The following NAA15 variants were observed in gnomAD, a reference collection of about 807,000 sequenced individuals.
NAA15 encodes the protein N-alpha-acetyltransferase 15, NatA auxiliary subunit.
In NAA15, 34 loss-of-function variants were observed where a neutral mutation model predicts 114.0. The ratio of observed to expected loss-of-function variants is 0.30; its 90% CI spans 0.23 to 0.40. NAA15 has a LOEUF of 0.40. NAA15 is among the 10% of genes least tolerant of loss of function. The pLI is 1.00. For missense variants in NAA15, 658 were observed against 1,004.5 expected (o/e 0.66, Z 4.66); for synonymous variants, 340 against 338.0 (o/e 1.01, Z -0.06).
Position 139,357,371 on chromosome 4 carries a change from C to T in NAA15, c.1088-15C>T, listed in dbSNP as rs1331824270. 6.2e-7 allele frequency: 1 copy of T among 1,612,868 alleles called. No individual in the cohort carries two copies. The highest frequency in any genetic ancestry group is 8.5e-7 in the Non-Finnish European group (1 of 1,179,408). Reference sequence around the variant, plus strand: ...GTAATGCCTCATCTTGGTTTCTTCTCCCTCTTCTCCTAAGATGATGGAAAG... The same window carrying T: ...GTAATGCCTCATCTTGGTTTCTTCTTCCTCTTCTCCTAAGATGATGGAAAG... On this transcript the variant is annotated splice_polypyrimidine_tract_variant and intron_variant, in intron 10 of 19. Transcript: ENST00000296543.
rs1306999222 is a variant in NAA15, at chr4:139,344,201, G to A, written c.553G>A (p.Val185Met). Reference protein sequence around the residue: ...RKTQQTSPDKVDYEYSELLLY... With the variant: ...RKTQQTSPDKMDYEYSELLLY... ...CCATATACAGACATCCCCTGACAAG[G>A]TGGATTATGAATATAGTGAACTACT... The change falls in exon 6 of 20, where the codon GTG becomes ATG. Residue 185 changes from valine to methionine, a missense_variant. Val to Met is a conservative substitution (Grantham distance 21). Transcript: ENST00000296543. 6.2e-7 allele frequency: 1 copy of A among 1,609,426 alleles called. No homozygotes were observed. Among genetic ancestry groups the A allele is most frequent in the Admixed American group, 1.7e-5 (1 of 59,412 alleles).
At chr4:139,348,182 G>A (rs1018145623) in intron 6 of NAA15, among the ~76,000 whole-genome samples, 1 of 152,034 alleles carries the variant, frequency 6.6e-6, no homozygotes, top group South Asian at 2.1e-4. Flanking sequence ...GGCCGGGCAC[G>A]GTGACTCACG....
Position 139,388,555 on chromosome 4 carries a change from T to C in NAA15, c.*471T>C, listed in dbSNP as rs952691233. The C allele has an allele frequency of 3.2e-5, 5 of 157,670 alleles. No individual in the cohort carries two copies. Among genetic ancestry groups the C allele is most frequent in the African/African-American group, 1.2e-4 (5 of 41,482 alleles). 9.8% of individuals were successfully genotyped at this position (157,670 alleles called of 1,614,324 possible). A position where few individuals can be genotyped will look rare whatever the true frequency, so the allele number is the denominator to read the frequency against. On this transcript the variant is annotated 3_prime_UTR_variant, in exon 20 of 20. Coordinates refer to ENST00000296543, the MANE Select transcript of NAA15 (RefSeq NM_057175.5). ...GCATCTGACTGATTTTGTTACGGGG[T>C]TGATTCTGACCATAGGAAGTATGCA...
chr4:139,309,194 G>A (rs1195218439), intron 1 of NAA15, among the ~76,000 whole-genome samples: 1 of 151,086 alleles, frequency 6.6e-6, no homozygotes, highest in Non-Finnish European at 1.5e-5. Context: ...CTAAAAATAC[G>A]AAACTTAGCT....
At chr4:139,313,540 CTTTCT>C (rs1277459229) in intron 1 of NAA15, among the ~76,000 whole-genome samples, 2 of 147,018 alleles carry the variant, frequency 1.4e-5, no homozygotes, top group East Asian at 3.9e-4. Flanking sequence ...CAGTATATTT[CTTTCT>C]TTTTTTTTTT....
rs1161664790 is a variant in NAA15 at position 139,342,840 on chromosome 4, G to A, written c.417G>A (p.Gln139=). ...TCCTTTTAAAGGAAACGAGGTATCA[G>A]TTACTTCAGCTTCGACCTGCGCAGA... The part of the protein sequence containing the change: ...DLEGYRETRY[Q]LLQLRPAQRA... Residue 139 remains glutamine (Q), a synonymous_variant, in exon 5 of 20, where the codon CAG becomes CAA. Transcript: ENST00000296543. 1 of 1,610,600 alleles carries A rather than the reference G, an allele frequency of 6.2e-7. No individual in the cohort carries two copies. The highest frequency in any genetic ancestry group is 8.5e-7 in the Non-Finnish European group (1 of 1,178,902).
chr4:139,322,319 A>G (rs1029375732), intron 1 of NAA15, among the ~76,000 whole-genome samples: 1 of 152,220 alleles, frequency 6.6e-6, no homozygotes, highest in Admixed American at 6.5e-5. Context: ...GTTTGCTGCT[A>G]TATAAGGCAT....
Position 139,387,849 on chromosome 4 carries a change from G to T in NAA15, c.2401-35G>T. On this transcript the variant is annotated intron_variant, in intron 19 of 19. Coordinates refer to ENST00000296543, the MANE Select transcript of NAA15 (RefSeq NM_057175.5). ...AAATTCCCAGTAAGAACCTTTTTTT[G>T]ACCAGTTACAACATGACTTTTTTTC... 4.5e-6 allele frequency: 7 copies of T among 1,539,038 alleles called. No homozygotes were observed. In the South Asian group the frequency reaches 4.7e-5, roughly 10 times the overall value.
chr4:139,307,689 A>G (rs1023617036), intron 1 of NAA15, among the ~76,000 whole-genome samples: 1 of 152,252 alleles, frequency 6.6e-6, no homozygotes, highest in Non-Finnish European at 1.5e-5. Context: ...TTTTGGACAC[A>G]GCATGCTTTA....
At chr4:139,385,308 T>TTATATATATATATATATATAA (rs1553999116) in intron 18 of NAA15, among the ~76,000 whole-genome samples, 1 of 91,864 alleles carries the variant, frequency 1.1e-5, no homozygotes, top group Non-Finnish European at 2.5e-5. Flanking sequence ...ATAATATATA[T>TTATATATATATATATATATAA]TATATATATA....
At position 139,359,943 on chromosome 4, in the gene NAA15, A is replaced by T. The variant is rs187922369; in HGVS notation, c.1410+48A>T. On this transcript the variant is annotated intron_variant, in intron 12 of 19. Transcript: ENST00000296543. ...ATTATGAATAAAGAAGACATGAGCCAGTTCATACTTGTATAACATGCTTAT... is the reference window on the plus strand; with the variant it reads ...ATTATGAATAAAGAAGACATGAGCCTGTTCATACTTGTATAACATGCTTAT... 6.1e-4 allele frequency: 910 copies of T among 1,483,280 alleles called. 5 individuals are homozygous for T. The African/African-American group carries it at 0.011, about 19-fold the overall frequency. The allele number at this position is 1,483,280 out of a possible 1,614,324, so 91.9% of individuals were successfully genotyped here.
chr4:139,356,383 A>C (rs950081923), intron 10 of NAA15: 2 of 152,168 alleles, frequency 1.3e-5, no homozygotes, highest in African/African-American at 4.8e-5. Flanking sequence ...CCCTGGGTGC[A>C]TATTGCTATT....
intron 14 of NAA15, among the ~76,000 whole-genome samples, chr4:139,367,758 G>A (rs372972329): frequency 6.6e-6 from 1 of 152,196 alleles, no homozygotes; most frequent in Non-Finnish European, 1.5e-5. Context: ...TGGAGAGACT[G>A]AGAGTTTTCA....
At chr4:139,363,046 C>T (rs1301633977) in intron 14 of NAA15, among the ~76,000 whole-genome samples, 3 of 152,184 alleles carry the variant, frequency 2.0e-5, no homozygotes, top group East Asian at 1.9e-4. Context: ...TCTAAGGTCA[C>T]ATACTGAAGC....
At chr4:139,338,687 A>G (rs1482911156) in intron 3 of NAA15, among the ~76,000 whole-genome samples, 2 of 152,156 alleles carry the variant, frequency 1.3e-5, no homozygotes, top group African/African-American at 4.8e-5. Context: ...ACCTCAAGCC[A>G]TCCACCCATC....
At chr4:139,354,220 C>G (rs1324104350) in intron 10 of NAA15, 122 bp downstream of exon 10, 1 of 685,828 alleles carries the variant, frequency 1.5e-6, no homozygotes, top group Non-Finnish European at 2.5e-6. Flanking sequence ...ATTTTTTTCT[C>G]TTTGAGAGGG....
At chr4:139,352,662 C>CTTTTTTTTTTTT (rs746490411) in intron 9 of NAA15, among the ~76,000 whole-genome samples, 1 of 103,290 alleles carries the variant, frequency 9.7e-6, no homozygotes, top group Non-Finnish European at 1.9e-5. Context: ...CATAAAATAT[C>CTTTTTTTTTTTT]TTTTTTTTTT....
intron 13 of NAA15, among the ~76,000 whole-genome samples, chr4:139,361,218 T>C (rs964538764): frequency 6.6e-6 from 1 of 152,178 alleles, no homozygotes; most frequent in Admixed American, 6.5e-5. Context: ...TTAGTTGAAA[T>C]GCATCAAGTT....
At chr4:139,312,761 G>A (rs1356552449) in intron 1 of NAA15, among the ~76,000 whole-genome samples, 2 of 151,592 alleles carry the variant, frequency 1.3e-5, no homozygotes, top group South Asian at 2.1e-4. Flanking sequence ...GTGGAGGACC[G>A]CTTGAGCCTA....
Sources: allele counts gnomAD v4.1 joint callset (sites outside exome capture counted in the v4.1 genomes callset), GRCh38; gene constraint gnomAD v4.1.1; transcripts MANE v1.5; gene names NCBI Gene and HGNC (gene_info 2026-07-23, HGNC 2026-07-21).